The following LRTM1 variants were observed in gnomAD, a reference collection of about 807,000 sequenced individuals.
LRTM1 encodes the protein leucine rich repeat transmembrane protein 1.
In LRTM1, 38 loss-of-function variants were observed where a neutral mutation model predicts 32.4. The ratio of observed to expected loss-of-function variants is 1.17; its 90% CI spans 0.91 to 1.54. The LOEUF (loss-of-function observed/expected upper bound fraction) is 1.54. Ranked by LOEUF, LRTM1 falls within the 40% of genes most tolerant of loss-of-function variation. The pLI is 0.00. For missense variants in LRTM1, 466 were observed against 415.4 expected (o/e 1.12, Z -1.06); for synonymous variants, 186 against 169.9 (o/e 1.09, Z -0.74).
upstream of LRTM1, among the ~76,000 whole-genome samples, chr3:54,930,718 T>C (rs1701166393): frequency 6.6e-6 from 1 of 152,220 alleles, no homozygotes; most frequent in Admixed American, 6.5e-5. Context: ...CTGTAGAATG[T>C]AGATAATACC....
At position 54,937,664 on chromosome 3, in the gene LRTM1, C is replaced by A. The variant is rs145701305; in HGVS notation, c.-221-12449G>T. Among the ~76,000 whole-genome samples the A allele has an allele frequency of 2.0e-3, 300 of 152,170 alleles. 2 individuals are homozygous for A. Among genetic ancestry groups the A allele is most frequent in the African/African-American group, 6.3e-3 (260 of 41,524 alleles). On this transcript the variant is annotated intron_variant, in intron 1 of 2. Coordinates refer to the LRTM1 transcript ENST00000493075. ...AGCCTGAGAGGTGAGGGCAGGCATCCCAATGGATGTTATAGCCAGGCTGAA... is the reference window on the plus strand; with the variant it reads ...AGCCTGAGAGGTGAGGGCAGGCATCACAATGGATGTTATAGCCAGGCTGAA...
At chr3:54,937,857 G>A (rs1701369164) in intron 1 of LRTM1, among the ~76,000 whole-genome samples, 1 of 152,138 alleles carries the variant, frequency 6.6e-6, no homozygotes, top group African/African-American at 2.4e-5. Flanking sequence ...AAGGAGCTTG[G>A]GCAAGCAGGT....
rs147318463 is a variant in LRTM1, at chr3:54,924,514, C to T, written c.604+105G>A. On this transcript the variant is annotated intron_variant, in intron 2 of 2. Transcript: ENST00000273286. The stretch of plus-strand genomic sequence containing the variant: ...GCACCGATGTGTAAAAGCCCAAATC[C>T]ACCCCTTACACACTCCTCCACATTC... 804 of 928,888 alleles carry T rather than the reference C, an allele frequency of 8.7e-4. 4 individuals are homozygous for T. In the African/African-American group the frequency reaches 0.011, roughly 13 times the overall value. 57.5% of individuals were successfully genotyped at this position (928,888 alleles called of 1,614,324 possible).
chr3:54,955,133 A>G (rs1701851903), intron 1 of LRTM1, among the ~76,000 whole-genome samples: 5 of 152,198 alleles, frequency 3.3e-5, no homozygotes. Context: ...TAGGAGAATG[A>G]TTATCCAATA....
chr3:54,941,068 A>G (rs1701453862), intron 1 of LRTM1, among the ~76,000 whole-genome samples: 2 of 152,188 alleles, frequency 1.3e-5, no homozygotes, highest in Non-Finnish European at 2.9e-5. Context: ...CAAATCAAAC[A>G]CTGGACTAGG....
At chr3:54,942,731 T>TA (rs1559639191) in intron 1 of LRTM1, among the ~76,000 whole-genome samples, 1 of 150,932 alleles carries the variant, frequency 6.6e-6, no homozygotes, top group African/African-American at 2.4e-5. Context: ...TCTAAAAAAA[T>TA]AAAAAAAATT....
rs372086680 is a variant in LRTM1, at chr3:54,924,732, G to A, written c.491C>T (p.Ala164Val). 13 of 1,613,982 alleles carry A rather than the reference G, an allele frequency of 8.1e-6. No homozygotes were observed. Among genetic ancestry groups the A allele is most frequent in the South Asian group, 5.5e-5 (5 of 91,088 alleles). ...QQNQLQQLDRALLESMPSVRL... is the reference protein window; with the variant it reads ...QQNQLQQLDRVLLESMPSVRL... Reference sequence around the variant, plus strand: ...CACACTGGGCATGGATTCCAGGAGCGCTCGATCAAGCTGCTGAAGCTGGTT... The same window carrying A: ...CACACTGGGCATGGATTCCAGGAGCACTCGATCAAGCTGCTGAAGCTGGTT... The change falls in exon 2 of 3, where the codon GCG (alanine) becomes GTG (valine). Residue 164 changes from alanine to valine, a missense_variant. Ala to Val is a moderately conservative substitution (Grantham distance 64). Transcript: ENST00000273286.
At chr3:54,957,232 T>G (rs1355661230) in intron 1 of LRTM1, among the ~76,000 whole-genome samples, 1 of 151,858 alleles carries the variant, frequency 6.6e-6, no homozygotes, top group South Asian at 2.1e-4. Context: ...CAATCATAGC[T>G]CAATGCAGCC....
intron 1 of LRTM1, among the ~76,000 whole-genome samples, chr3:54,939,409 T>C (rs752608251): frequency 4.6e-5 from 7 of 152,236 alleles, no homozygotes; most frequent in Non-Finnish European, 1.5e-5. Flanking sequence ...TATCTCATCT[T>C]ATTCTTCCCA....
intron 1 of LRTM1, among the ~76,000 whole-genome samples, chr3:54,949,513 G>A (rs184939825): frequency 2.7e-4 from 41 of 152,222 alleles, no homozygotes; most frequent in African/African-American, 8.7e-4. Flanking sequence ...AGCAGGTTGG[G>A]TTCAATGGCC....
intron 1 of LRTM1, among the ~76,000 whole-genome samples, chr3:54,965,330 C>A (rs1198468233): frequency 6.6e-6 from 1 of 152,192 alleles, no homozygotes; most frequent in African/African-American, 2.4e-5. Flanking sequence ...CCATTCTTCT[C>A]AAGCCTCCAA....
chr3:54,936,698 G>A lies in LRTM1; in HGVS notation c.-221-11483C>T, dbSNP rs569470406. On this transcript the variant is annotated intron_variant, in intron 1 of 2. Coordinates refer to the LRTM1 transcript ENST00000493075. ...GGACCTTGTCTCCAGTCAGCCCGTC[G>A]CTAGTAGGAGGCCCTCTTTCCCATC... Among the ~76,000 whole-genome samples the A allele has an allele frequency of 1.2e-4, 19 of 152,136 alleles. No individual in the cohort carries two copies. In the South Asian group the frequency reaches 3.5e-3, roughly 28 times the overall value.
chr3:54,942,886 C>T (rs1171123661), intron 1 of LRTM1, among the ~76,000 whole-genome samples: 4 of 151,968 alleles, frequency 2.6e-5, no homozygotes, highest in South Asian at 4.1e-4. Flanking sequence ...TAGCCAGGCG[C>T]GGTGGCACGT....
intron 2 of LRTM1, among the ~76,000 whole-genome samples, chr3:54,922,976 C>T (rs896312165): frequency 1.1e-4 from 17 of 152,182 alleles, no homozygotes; most frequent in African/African-American, 4.1e-4. Context: ...TTCAGTATTC[C>T]AAGTATCTCC....
chr3:54,965,389 T>C (rs1702125681), intron 1 of LRTM1, among the ~76,000 whole-genome samples: 1 of 152,188 alleles, frequency 6.6e-6, no homozygotes. Context: ...TCCCTTACTG[T>C]TTCCTCCATT....
upstream of LRTM1, among the ~76,000 whole-genome samples, chr3:54,931,906 C>A (rs1287827013): frequency 6.6e-6 from 1 of 152,176 alleles, no homozygotes; most frequent in Non-Finnish European, 1.5e-5. Flanking sequence ...AAAGGCCAGG[C>A]TCAGTGGTTC....
At chr3:54,932,253 G>T (rs79032919), upstream of LRTM1, among the ~76,000 whole-genome samples, 1 of 152,052 alleles carries the variant, frequency 6.6e-6, no homozygotes, top group East Asian at 1.9e-4. Context: ...TCATAATAAA[G>T]TGGGAGGCAA....
At chr3:54,950,013 G>A (rs1034057925) in intron 1 of LRTM1, among the ~76,000 whole-genome samples, 1 of 152,136 alleles carries the variant, frequency 6.6e-6, no homozygotes, top group Admixed American at 6.5e-5. Flanking sequence ...AAAAAGATTC[G>A]TCTTGAAGTC....
chr3:54,952,906 CT>C (rs1416394111), intron 1 of LRTM1, among the ~76,000 whole-genome samples: 1 of 152,122 alleles, frequency 6.6e-6, no homozygotes, highest in Non-Finnish European at 1.5e-5. Flanking sequence ...GTCTGGCTTA[CT>C]TGTCTTCCAG....
Sources: gnomAD v4.1 joint callset for allele counts (sites outside exome capture counted in the v4.1 genomes callset) on GRCh38, gnomAD v4.1.1 for gene constraint, MANE v1.5 for transcripts, NCBI Gene and HGNC (gene_info 2026-07-23, HGNC 2026-07-21) for gene names.